IQCM: variants seen among roughly 807,000 people sequenced by gnomAD.
The protein encoded by IQCM is IQ domain-containing protein M.
In IQCM, 45 loss-of-function variants were observed where a neutral mutation model predicts 57.6. That is an observed-to-expected ratio of 0.78 (90% confidence interval 0.62 to 1.00). IQCM has a LOEUF of 1.00. IQCM is among the 50% of genes least tolerant of loss of function. IQCM has a pLI of 0.00. For synonymous variants in IQCM, 148 were observed against 158.9 expected (o/e 0.93, Z 0.51); for missense variants, 468 against 511.6 (o/e 0.91, Z 0.82).
At chr4:149,774,785 A>T (rs914036873) in intron 2 of IQCM, among the ~76,000 whole-genome samples, 1 of 152,042 alleles carries the variant, frequency 6.6e-6, no homozygotes, top group Non-Finnish European at 1.5e-5. Context: ...AAAAAAAAAA[A>T]AATCAGGAAG....
intron 5 of IQCM, among the ~76,000 whole-genome samples, chr4:149,713,039 C>T (rs905576): frequency 0.59 from 90,263 of 151,972 alleles, 27,182 homozygotes; most frequent in African/African-American, 0.64. Flanking sequence ...AGATGATTAA[C>T]AATCTAGATG....
At chr4:149,673,615 T>C in intron 7 of IQCM, among the ~76,000 whole-genome samples, 1 of 152,052 alleles carries the variant, frequency 6.6e-6, no homozygotes, top group African/African-American at 2.4e-5. Context: ...GCACCCAGAT[T>C]CATAAAGCAA....
chr4:149,523,107 T>G (rs1034033021), intron 12 of IQCM, among the ~76,000 whole-genome samples: 2 of 152,134 alleles, frequency 1.3e-5, no homozygotes, highest in African/African-American at 2.4e-5. Flanking sequence ...TATAGAAAAC[T>G]GCCTTATACT....
intron 12 of IQCM, among the ~76,000 whole-genome samples, chr4:149,451,480 A>T (rs1737116084): frequency 6.6e-6 from 1 of 151,748 alleles, no homozygotes; most frequent in African/African-American, 2.4e-5. Flanking sequence ...TTGCCCACAA[A>T]AATTTAAATA....
At chr4:149,645,718 A>G (rs1385388701) in intron 7 of IQCM, among the ~76,000 whole-genome samples, 2 of 107,440 alleles carry the variant, frequency 1.9e-5, no homozygotes, top group Non-Finnish European at 4.1e-5. Flanking sequence ...TCCCTTGGCA[A>G]ACTCATAGCC....
intron 2 of IQCM, among the ~76,000 whole-genome samples, chr4:149,792,594 A>G (rs1772741339): frequency 6.6e-6 from 1 of 152,152 alleles, no homozygotes; most frequent in Non-Finnish European, 1.5e-5. Context: ...TCCAAAATGC[A>G]TCATAGGTGA....
At chr4:149,381,451 A>G (rs769776515) in intron 13 of IQCM, among the ~76,000 whole-genome samples, 38 of 151,912 alleles carry the variant, frequency 2.5e-4, no homozygotes, top group Non-Finnish European at 5.3e-4. Context: ...ACCTCCAACT[A>G]TTCACCTCCT....
rs535258310 is a variant in IQCM at position 149,695,945 on chromosome 4, G to T, written c.386-9477C>A. 5.3e-5 allele frequency among the ~76,000 whole-genome samples: 8 copies of T among 152,174 alleles called. No individual in the cohort carries two copies. In the South Asian group the frequency reaches 1.7e-3, roughly 32 times the overall value. ...GTTTGGGCTAAATAGTAAGTGAGAT[G>T]GGTAAAAGAATTGCAAAAAGTCAAA... On this transcript the variant is annotated intron_variant, in intron 5 of 13. Transcript: ENST00000636793.
At chr4:149,627,574 A>G (rs972416598) in intron 7 of IQCM, among the ~76,000 whole-genome samples, 7 of 152,200 alleles carry the variant, frequency 4.6e-5, no homozygotes, top group Non-Finnish European at 1.5e-5. Flanking sequence ...ACAGAGGAGA[A>G]AACATATTAT....
rs1730029986 is a variant in IQCM, at chr4:149,368,771, C to CACGT, written c.1391-16706_1391-16705insACGT. The stretch of plus-strand genomic sequence containing the variant: ...ATATATACATGTATATATATATATA[C>CACGT]ATATATATACATGTATATATATACA... On this transcript the variant is annotated intron_variant, in intron 13 of 13. Coordinates refer to ENST00000636793, the MANE Select transcript of IQCM (RefSeq NM_001363507.2). 1.2e-4 allele frequency among the ~76,000 whole-genome samples: 9 copies of CACGT among 73,292 alleles called. 3 individuals carry two copies. The highest frequency in any genetic ancestry group is 3.8e-4 in the African/African-American group (9 of 23,962). 48.1% of individuals were successfully genotyped at this position (73,292 alleles called of 152,430 possible).
chr4:149,422,616 T>C (rs1394903123), intron 13 of IQCM, among the ~76,000 whole-genome samples: 1 of 152,072 alleles, frequency 6.6e-6, no homozygotes, highest in Non-Finnish European at 1.5e-5. Context: ...CGTGTGTGTG[T>C]GCGCACGCAT....
chr4:149,391,071 G>A (rs1342816887), intron 13 of IQCM, among the ~76,000 whole-genome samples: 1 of 151,782 alleles, frequency 6.6e-6, no homozygotes, highest in African/African-American at 2.4e-5. Context: ...ATAAGAATTG[G>A]CATTAATTCT....
intron 13 of IQCM, among the ~76,000 whole-genome samples, chr4:149,421,926 T>C (rs1312092597): frequency 1.3e-5 from 2 of 152,084 alleles, no homozygotes; most frequent in East Asian, 1.9e-4. Context: ...TGGCAAACTA[T>C]ATTTGAACTG....
At chr4:149,660,757 T>A (rs1197149042) in intron 7 of IQCM, among the ~76,000 whole-genome samples, 1 of 151,718 alleles carries the variant, frequency 6.6e-6, no homozygotes, top group Non-Finnish European at 1.5e-5. Context: ...CCGCATGTTC[T>A]CATTCATAGG....
chr4:149,765,288 T>A (rs935729075), intron 2 of IQCM, among the ~76,000 whole-genome samples: 1 of 152,192 alleles, frequency 6.6e-6, no homozygotes, highest in South Asian at 2.1e-4. Context: ...TTATGAAGTA[T>A]GAGACAGACA....
intron 7 of IQCM, among the ~76,000 whole-genome samples, chr4:149,675,659 G>C (rs1388771447): frequency 6.6e-6 from 1 of 151,948 alleles, no homozygotes; most frequent in Non-Finnish European, 1.5e-5. Flanking sequence ...GGAAGTCCTA[G>C]GTGTCTTGTG....
intron 5 of IQCM, among the ~76,000 whole-genome samples, chr4:149,706,837 A>G (rs575697473): frequency 6.6e-6 from 1 of 152,062 alleles, no homozygotes; most frequent in Non-Finnish European, 1.5e-5. Context: ...TCTCTTTTTT[A>G]TTCCTAAAAT....
chr4:149,399,128 C>T (rs995908966), intron 13 of IQCM, among the ~76,000 whole-genome samples: 1 of 152,044 alleles, frequency 6.6e-6, no homozygotes, highest in East Asian at 1.9e-4. Flanking sequence ...TATGTAGTTT[C>T]ATACTTATGA....
chr4:149,426,709 G>T (rs527549702), intron 13 of IQCM, among the ~76,000 whole-genome samples: 1 of 152,098 alleles, frequency 6.6e-6, no homozygotes, highest in African/African-American at 2.4e-5. Flanking sequence ...TCTAAGAGCT[G>T]CTGGAGTGTC....
Sources: allele counts gnomAD v4.1 joint callset (sites outside exome capture counted in the v4.1 genomes callset), GRCh38; gene constraint gnomAD v4.1.1; transcripts MANE v1.5; gene names NCBI Gene and HGNC (gene_info 2026-07-23, HGNC 2026-07-21).